The following PLEKHG1 variants were observed in gnomAD, a reference collection of about 807,000 sequenced individuals.
The protein encoded by PLEKHG1 is pleckstrin homology domain-containing family G member 1.
Under a neutral mutation model 100.8 loss-of-function variants are expected in PLEKHG1, and 44 were observed. The observed-to-expected ratio is 0.44, with a 90% confidence interval of 0.34 to 0.56. PLEKHG1 has a LOEUF of 0.56. Among genes scored for constraint, PLEKHG1 ranks in the 20% least tolerant of loss-of-function variants. The pLI is 0.01. For synonymous variants in PLEKHG1, 640 were observed against 662.5 expected (o/e 0.97, Z 0.52); for missense variants, 1,545 against 1,720.9 (o/e 0.90, Z 1.81).
intron 3 of PLEKHG1, among the ~76,000 whole-genome samples, chr6:150,701,409 G>A (rs1244689400): frequency 1.1e-5 from 1 of 94,190 alleles, no homozygotes; most frequent in Non-Finnish European, 2.3e-5. Context: ...AGAATAAGCA[G>A]TAATTCTTTA....
intron 15 of PLEKHG1, 67 bp downstream of exon 16, chr6:150,832,272 G>A (rs1776989172): frequency 7.4e-7 from 1 of 1,344,766 alleles, no homozygotes; most frequent in South Asian, 1.4e-5. Flanking sequence ...GATTTCAGAT[G>A]TCCTTAAAAC....
At chr6:150,599,908 C>T (rs962572570) in exon 1 of PLEKHG1, 2 of 189,884 alleles carry the variant, frequency 1.1e-5, no homozygotes, top group African/African-American at 2.4e-5. Context: ...AGCCCGAGCC[C>T]GACGGCGGCT....
In PLEKHG1 at chr6:150,761,325, C is replaced by T. The variant is rs1023541290; in HGVS notation, c.412-7313C>T. The stretch of plus-strand genomic sequence containing the variant: ...TTCACCGTGTCAGCCAGGATGGTCT[C>T]GATTACTTGACCTTGTGATCCACCC... On this transcript the variant is annotated intron_variant, in intron 2 of 15. Transcript: ENST00000358517. Among the ~76,000 whole-genome samples the T allele has an allele frequency of 8.6e-5, 13 of 150,538 alleles. No homozygotes were observed. The East Asian group carries it at 2.2e-3, about 25-fold the overall frequency.
chr6:150,777,243 CA>C (rs1421409960), intron 3 of PLEKHG1, among the ~76,000 whole-genome samples: 2 of 149,800 alleles, frequency 1.3e-5, no homozygotes, highest in African/African-American at 4.9e-5. Context: ...GCACATTACT[CA>C]ACACTAATGC....
At chr6:150,662,304 A>G (rs1779223713) in intron 3 of PLEKHG1, 1 of 152,260 alleles carries the variant, frequency 6.6e-6, no homozygotes, top group Non-Finnish European at 1.5e-5. Context: ...AGCATTTTTA[A>G]GCAGGGCTAG....
At chr6:150,668,138 T>C (rs1779469673) in intron 3 of PLEKHG1, among the ~76,000 whole-genome samples, 1 of 152,232 alleles carries the variant, frequency 6.6e-6, no homozygotes, top group Admixed American at 6.5e-5. Flanking sequence ...GAAGGTTTCA[T>C]GTGCCCACAC....
chr6:150,826,500 C>G (rs117412547), intron 14 of PLEKHG1, among the ~76,000 whole-genome samples: 3,293 of 152,128 alleles, frequency 0.022, 42 homozygotes, highest in South Asian at 0.036. Flanking sequence ...TTAAATAGCT[C>G]AAATGCTGAG....
chr6:150,702,813 C>T lies in PLEKHG1; in HGVS notation c.-98-30771C>T, dbSNP rs536953957. Among the ~76,000 whole-genome samples, 45 of 152,226 alleles carry T rather than the reference C, an allele frequency of 3.0e-4. No homozygotes were observed. The South Asian group carries it at 6.8e-3, about 23-fold the overall frequency. On this transcript the variant is annotated intron_variant, in intron 3 of 3. Transcript: ENST00000367326. ...GCAGTCTCCATAATGGGTCAACTTC[C>T]GACTTGTTCCTTGTTGCCTCAGGGC...
At chr6:150,706,652 T>G (rs902914173) in intron 3 of PLEKHG1, among the ~76,000 whole-genome samples, 1 of 151,378 alleles carries the variant, frequency 6.6e-6, no homozygotes, top group Non-Finnish European at 1.5e-5. Context: ...AAACAGGAAC[T>G]ATGACACCAG....
intron 1 of PLEKHG1, among the ~76,000 whole-genome samples, chr6:150,615,041 G>T (rs1345935364): frequency 1.3e-5 from 2 of 152,200 alleles, no homozygotes; most frequent in Non-Finnish European, 2.9e-5. Context: ...AGGTGAAATT[G>T]TTGTCAGGCA....
intron 10 of PLEKHG1, among the ~76,000 whole-genome samples, chr6:150,814,584 C>G (rs1429083732): frequency 1.3e-5 from 2 of 152,154 alleles, no homozygotes; most frequent in Non-Finnish European, 2.9e-5. Context: ...AAAACAGAGG[C>G]TGAGAGACAT....
At chr6:150,775,209 G>A (rs1161471908) in intron 3 of PLEKHG1, among the ~76,000 whole-genome samples, 1 of 152,132 alleles carries the variant, frequency 6.6e-6, no homozygotes, top group African/African-American at 2.4e-5. Flanking sequence ...AAATCCAACA[G>A]CGTGTTTTAC....
intron 6 of PLEKHG1, among the ~76,000 whole-genome samples, chr6:150,802,271 G>A (rs947573215): frequency 2.4e-4 from 37 of 152,206 alleles, no homozygotes; most frequent in African/African-American, 3.4e-4. Context: ...AAATTGATCC[G>A]TATGACCTCT....
chr6:150,642,344 T>C (rs1778306446), intron 2 of PLEKHG1, among the ~76,000 whole-genome samples: 1 of 152,226 alleles, frequency 6.6e-6, no homozygotes, highest in African/African-American at 2.4e-5. Flanking sequence ...ATTTTTCTGC[T>C]TAGAAAATGT....
chr6:150,779,586 TC>T (rs1320095066), intron 3 of PLEKHG1, among the ~76,000 whole-genome samples: 1 of 151,242 alleles, frequency 6.6e-6, no homozygotes, highest in Non-Finnish European at 1.5e-5. Context: ...CCTCAGGTGA[TC>T]CGCCCGCCTC....
At chr6:150,762,895 A>G (rs1395637367) in intron 2 of PLEKHG1, among the ~76,000 whole-genome samples, 1 of 152,146 alleles carries the variant, frequency 6.6e-6, no homozygotes, top group Non-Finnish European at 1.5e-5. Context: ...TTTCATTTGC[A>G]GTGTGTTCTT....
intron 1 of PLEKHG1, among the ~76,000 whole-genome samples, chr6:150,629,107 C>T (rs1777635906): frequency 1.3e-5 from 2 of 152,162 alleles, no homozygotes; most frequent in South Asian, 2.1e-4. Context: ...TGAGAGATGA[C>T]TTTGGTACAC....
At chr6:150,670,705 C>G (rs1054225233) in intron 3 of PLEKHG1, among the ~76,000 whole-genome samples, 1 of 152,154 alleles carries the variant, frequency 6.6e-6, no homozygotes, top group African/African-American at 2.4e-5. Flanking sequence ...GTTGTTGACC[C>G]CACATAGTCC....
chr6:150,709,835 G>A (rs1781178871), intron 3 of PLEKHG1, among the ~76,000 whole-genome samples: 2 of 152,158 alleles, frequency 1.3e-5, no homozygotes, highest in Non-Finnish European at 2.9e-5. Flanking sequence ...TGCCCAGGCT[G>A]GACTCCAGTG....
Sources: gnomAD v4.1 joint callset for allele counts (sites outside exome capture counted in the v4.1 genomes callset) on GRCh38, gnomAD v4.1.1 for gene constraint, MANE v1.5 for transcripts, NCBI Gene and HGNC (gene_info 2026-07-23, HGNC 2026-07-21) for gene names.